USP35: variants seen among roughly 807,000 people sequenced by gnomAD.
The protein encoded by USP35 is ubiquitin carboxyl-terminal hydrolase 35.
Under a neutral mutation model 83.8 loss-of-function variants are expected in USP35, and 69 were observed. The ratio of observed to expected loss-of-function variants is 0.82; its 90% CI spans 0.68 to 1.01. The LOEUF is 1.01. USP35 is among the 50% of genes least tolerant of loss of function. The pLI, the probability that USP35 is intolerant of heterozygous loss-of-function variation, is 0.00. For missense variants in USP35, 1,503 were observed against 1,362.5 expected (o/e 1.10, Z -1.62); for synonymous variants, 714 against 589.5 (o/e 1.21, Z -3.06).
chr11:78,209,882 G>T lies in USP35; in HGVS notation c.2027G>T (p.Arg676Met). 6.2e-7 allele frequency: 1 copy of T among 1,606,036 alleles called. No individual in the cohort carries two copies. Among genetic ancestry groups the T allele is most frequent in the Non-Finnish European group, 8.5e-7 (1 of 1,175,818 alleles). ...GGTGGGCAGAGCAGTCAGGAGGAAAGGATAGAGAGGGAGGAAGAAGGGAAG... is the reference window on the plus strand; with the variant it reads ...GGTGGGCAGAGCAGTCAGGAGGAAATGATAGAGAGGGAGGAAGAAGGGAAG... ...EAGGQSSQEE[R>M]IEREEEGKEE... The change falls in exon 10 of 11, where the codon AGG (arginine) becomes ATG (methionine). Residue 676 changes from arginine to methionine, a missense_variant. Transcript: ENST00000529308.
At position 78,205,876 on chromosome 11, in the gene USP35, A is replaced by C; in HGVS notation, c.1232A>C (p.Gln411Pro). 6.2e-7 allele frequency: 1 copy of C among 1,614,186 alleles called. No individual in the cohort carries two copies. Among genetic ancestry groups the C allele is most frequent in the Non-Finnish European group, 8.5e-7 (1 of 1,179,996 alleles). ...GTTCCCAATGAGGACCGCATCAAGC[A>C]GCTGCTGGGGCAGGATGCCTGGACT... ...LHVPNEDRIK[Q>P]LLGQDAWTSQ... Residue 411 changes from glutamine to proline, a missense_variant, in exon 7 of 11, where the codon CAG becomes CCG. Gln to Pro is a moderately conservative substitution (Grantham distance 76). Coordinates refer to ENST00000529308, the MANE Select transcript of USP35 (RefSeq NM_020798.4).
At position 78,209,690 on chromosome 11, in the gene USP35, G is replaced by A. The variant is rs1470833365; in HGVS notation, c.1835G>A (p.Gly612Asp). ...PPERCRRRRL[G>D]SVMRPTEDIT... ...GAGCGCTGTCGCCGCCGCCGCCTGG[G>A]CTCTGTGATGCGCCCCACAGAAGAC... Residue 612 changes from glycine (G) to aspartate (D), a missense_variant, in exon 10 of 11, where the codon GGC (glycine) becomes GAC (aspartate). By Grantham distance (94) the Gly-to-Asp change is moderately conservative. Transcript: ENST00000529308. 2 of 1,613,796 alleles carry A rather than the reference G, an allele frequency of 1.2e-6. No homozygotes were observed. Among genetic ancestry groups the A allele is most frequent in the Non-Finnish European group, 1.7e-6 (2 of 1,179,912 alleles).
rs1863911940 is a variant in USP35, at chr11:78,213,692, TC to T, written c.2940del (p.Thr981HisfsTer46). The T allele has an allele frequency of 6.6e-7, 1 of 1,522,612 alleles. No individual in the cohort carries two copies. Among genetic ancestry groups the T allele is most frequent in the Non-Finnish European group, 8.7e-7 (1 of 1,144,564 alleles). 94.3% of individuals were successfully genotyped at this position (1,522,612 alleles called of 1,614,324 possible). A position where few individuals can be genotyped will look rare whatever the true frequency, so the allele number is the denominator to read the frequency against. ...AGCAGGGCGGCCTACATCTCTGCAC[TC>T]CCCACATCTCCGCACTGGGGGAGGG... ...ARSRAAYISA[L>X]PTSPHWGRGF... On this transcript the variant is annotated frameshift_variant, in exon 11 of 11. Transcript: ENST00000529308. LOFTEE classifies it high-confidence loss of function.
At chr11:78,229,030 T>G in the USP35 span, among the ~76,000 whole-genome samples, 2 of 152,046 alleles carry the variant, frequency 1.3e-5, no homozygotes, top group African/African-American at 2.4e-5. Flanking sequence ...ACCTGCCCAG[T>G]GAGGGGTGGT....
chr11:78,235,228 CT>C, the USP35 span, among the ~76,000 whole-genome samples: 1,181 of 152,108 alleles, frequency 7.8e-3, 13 homozygotes, highest in African/African-American at 0.027. Context: ...TCTCGGCTCA[CT>C]GCAAGCTCCG....
chr11:78,211,970 T>C (rs188962241), intron 10 of USP35, among the ~76,000 whole-genome samples: 3 of 152,384 alleles, frequency 2.0e-5, no homozygotes, highest in Non-Finnish European at 4.4e-5. Flanking sequence ...CATTGTTTGC[T>C]TTTGTTGCAA....
At chr11:78,203,130 G>C (rs1449308734) in intron 6 of USP35, among the ~76,000 whole-genome samples, 2 of 152,134 alleles carry the variant, frequency 1.3e-5, no homozygotes, top group Admixed American at 1.3e-4. Context: ...TGTACCAGTA[G>C]GGGCAGGGAG....
At chr11:78,220,995 T>G in the USP35 span, among the ~76,000 whole-genome samples, 2 of 152,144 alleles carry the variant, frequency 1.3e-5, no homozygotes, top group South Asian at 4.1e-4. Context: ...TCCTCCAAGA[T>G]CTGAAGAGGG....
chr11:78,213,826 G>GCCAACCTGAC lies in USP35; in HGVS notation c.*16_*25dup, dbSNP rs1186629687. On this transcript the variant is annotated 3_prime_UTR_variant, in exon 11 of 11. Transcript: ENST00000529308. ...ACTGGTCTTCTAATGTGAACCTGCTGCCAACCTGACCCCTTCCCTCCAGGA... is the reference window on the plus strand; with the variant it reads ...ACTGGTCTTCTAATGTGAACCTGCTGCCAACCTGACCCAACCTGACCCCTTCCCTCCAGGA... The GCCAACCTGAC allele has an allele frequency of 6.5e-7, 1 of 1,543,826 alleles. No individual in the cohort carries two copies. The highest frequency in any genetic ancestry group is 1.4e-5 in the African/African-American group (1 of 69,988).
chr11:78,226,470 T>A, the USP35 span: 1 of 1,612,474 alleles, frequency 6.2e-7, no homozygotes, highest in East Asian at 2.2e-5. Context: ...CTGACCTCGG[T>A]GAAGTCGGCT....
the USP35 span, among the ~76,000 whole-genome samples, chr11:78,231,336 G>GTGTGT: frequency 2.2e-3 from 318 of 145,898 alleles, no homozygotes; most frequent in African/African-American, 7.7e-3. Context: ...GCGCGTGTGT[G>GTGTGT]GTGTGTGTGT....
chr11:78,190,903 C>A (rs1021983126), intron 1 of USP35, among the ~76,000 whole-genome samples: 1 of 152,184 alleles, frequency 6.6e-6, no homozygotes, highest in Non-Finnish European at 1.5e-5. Context: ...TGCTTGAGTT[C>A]ATCTCCACCC....
the USP35 span, chr11:78,221,665 C>T: frequency 8.7e-5 from 136 of 1,568,564 alleles, 1 homozygote; most frequent in East Asian, 3.8e-4. Context: ...CAGCGAAGCC[C>T]GAAGGACTCA....
chr11:78,226,554 G>A, the USP35 span: 134 of 1,612,030 alleles, frequency 8.3e-5, 1 homozygote, highest in Middle Eastern at 4.9e-4. Flanking sequence ...ACTGATTGGC[G>A]GTCTCTGCTG....
intron 8 of USP35, 29 bp downstream of exon 8, chr11:78,207,652 G>A (rs745477747): frequency 9.3e-6 from 15 of 1,607,342 alleles, no homozygotes; most frequent in Non-Finnish European, 1.1e-5. Context: ...AGAGGGGGGT[G>A]GAGAGGCAGC....
rs1863684835 is a variant in USP35, at chr11:78,209,965, GGA to G, written c.2116_2117del (p.Arg706GlyfsTer22). 2 of 1,611,918 alleles carry G rather than the reference GGA, an allele frequency of 1.2e-6. No individual in the cohort carries two copies. Among genetic ancestry groups the G allele is most frequent in the African/African-American group, 2.7e-5 (2 of 74,828 alleles). On this transcript the variant is annotated frameshift_variant, in exon 10 of 11. Coordinates refer to ENST00000529308, the MANE Select transcript of USP35 (RefSeq NM_020798.4). LOFTEE classifies it high-confidence loss of function. ...GEEEESTRGE[G>X]EREKEEEVEE... is the part of the protein sequence containing the mutation. ...GGAGGAGGAAAGCACCAGAGGGGAA[GGA>G]GAGAGGGAGAAAGAGGAGGAGGTGG...
intron 1 of USP35, among the ~76,000 whole-genome samples, chr11:78,191,597 T>C (rs1218501660): frequency 1.3e-5 from 2 of 152,122 alleles, no homozygotes; most frequent in Non-Finnish European, 2.9e-5. Flanking sequence ...GAGGATGGAT[T>C]GAGGGAGGGA....
At chr11:78,216,085 AG>A (rs1864129680), downstream of USP35, 4 of 152,686 alleles carry the variant, frequency 2.6e-5, no homozygotes, top group Admixed American at 1.3e-4. Flanking sequence ...CAGAGGAGGG[AG>A]TCTCCCCTTC....
chr11:78,197,173 G>C (rs1327645188), intron 2 of USP35, among the ~76,000 whole-genome samples: 2 of 150,580 alleles, frequency 1.3e-5, no homozygotes, highest in Admixed American at 6.6e-5. Context: ...AAAAGGATAC[G>C]GGTCAGCCTG....
Sources: gnomAD v4.1 joint callset for allele counts (sites outside exome capture counted in the v4.1 genomes callset) on GRCh38, gnomAD v4.1.1 for gene constraint, MANE v1.5 for transcripts, NCBI Gene and HGNC (gene_info 2026-07-23, HGNC 2026-07-21) for gene names.